The following GLT1D1 variants were observed in gnomAD, a reference collection of about 807,000 sequenced individuals.
GLT1D1 encodes the protein glycosyltransferase 1 domain-containing protein 1.
In GLT1D1, 21 loss-of-function variants were observed where a neutral mutation model predicts 28.7. That is an observed-to-expected ratio of 0.73 (90% CI 0.52 to 1.05). The LOEUF (loss-of-function observed/expected upper bound fraction) is 1.05, where lower values mean the gene tolerates loss of function less well. Among genes scored for constraint, GLT1D1 ranks in the 50% least tolerant of loss-of-function variants. The pLI, the probability that GLT1D1 is intolerant of heterozygous loss-of-function variation, is 0.00. For synonymous variants in GLT1D1, 147 were observed against 124.8 expected (o/e 1.18, Z -1.19); for missense variants, 343 against 330.6 (o/e 1.04, Z -0.29).
At chr12:128,874,124 C>CTTTCTTTCTTTCTTTCTTTCTT (rs1352539357) in intron 1 of GLT1D1, among the ~76,000 whole-genome samples, 1 of 39,232 alleles carries the variant, frequency 2.5e-5, no homozygotes, top group African/African-American at 1.1e-4. Context: ...CTCTCTCTCT[C>CTTTCTTTCTTTCTTTCTTTCTT]TCTTTCTTTC....
intron 3 of GLT1D1, among the ~76,000 whole-genome samples, chr12:128,890,834 A>G (rs907292073): frequency 6.6e-6 from 1 of 152,200 alleles, no homozygotes; most frequent in Non-Finnish European, 1.5e-5. Context: ...CTCCATCTCT[A>G]CTAAAAATAC....
intron 2 of GLT1D1, among the ~76,000 whole-genome samples, chr12:128,884,823 A>G (rs1249543635): frequency 6.6e-6 from 1 of 151,644 alleles, no homozygotes; most frequent in Non-Finnish European, 1.5e-5. Flanking sequence ...CAAAAAATAG[A>G]AAAAAAAATT....
At chr12:128,944,747 G>A in intron 4 of GLT1D1, 1 of 551,452 alleles carries the variant, frequency 1.8e-6, no homozygotes, top group African/African-American at 1.9e-5. Context: ...GACATCATTT[G>A]GGATGAGTTT....
At chr12:128,883,637 TG>T (rs1290688605) in intron 2 of GLT1D1, among the ~76,000 whole-genome samples, 7 of 150,508 alleles carry the variant, frequency 4.7e-5, no homozygotes, top group African/African-American at 1.7e-4. Context: ...TAGGAAGCTA[TG>T]ATTTTCTGTT....
chr12:128,979,150 A>G (rs557284079), intron 7 of GLT1D1, among the ~76,000 whole-genome samples: 19 of 152,298 alleles, frequency 1.2e-4, no homozygotes, highest in African/African-American at 4.3e-4. Context: ...GCCTCTGACA[A>G]TCTCAGTGGC....
chr12:128,950,444 C>T (rs1221698220), intron 6 of GLT1D1, among the ~76,000 whole-genome samples: 1 of 152,184 alleles, frequency 6.6e-6, no homozygotes. Context: ...ACTCCATCGC[C>T]ACATGACAAG....
intron 1 of GLT1D1, among the ~76,000 whole-genome samples, chr12:128,875,267 T>G (rs1566092665): frequency 6.6e-6 from 1 of 152,184 alleles, no homozygotes; most frequent in Non-Finnish European, 1.5e-5. Context: ...AGCTGCTGTC[T>G]GGTATGGCAA....
At chr12:128,879,381 T>TCCTTCCTTCCTTCCTTCCTTCCTTCCTTC (rs1566096266) in intron 2 of GLT1D1, among the ~76,000 whole-genome samples, 2 of 29,302 alleles carry the variant, frequency 6.8e-5, no homozygotes, top group Non-Finnish European at 6.1e-5. Context: ...TTTTTCTTTT[T>TCCTTCCTTCCTTCCTTCCTTCCTTCCTTC]CTTTCTTTCT....
intron 4 of GLT1D1, among the ~76,000 whole-genome samples, chr12:128,913,845 A>T (rs918752180): frequency 6.6e-6 from 1 of 152,212 alleles, no homozygotes; most frequent in African/African-American, 2.4e-5. Context: ...AAGTGCGTTT[A>T]ACCTCTTTGA....
At chr12:128,857,853 G>A (rs1183069579) in intron 1 of GLT1D1, among the ~76,000 whole-genome samples, 1 of 152,166 alleles carries the variant, frequency 6.6e-6, no homozygotes, top group African/African-American at 2.4e-5. Context: ...ATAAGTAAGG[G>A]TGCTAAATCC....
chr12:128,913,806 C>T (rs767609792), intron 4 of GLT1D1, among the ~76,000 whole-genome samples: 10 of 152,302 alleles, frequency 6.6e-5, no homozygotes, highest in Non-Finnish European at 1.0e-4. Flanking sequence ...TTGAACACAG[C>T]GTCTACCACC....
At chr12:128,922,040 C>T (rs1465727) in intron 4 of GLT1D1, among the ~76,000 whole-genome samples, 86,402 of 151,504 alleles carry the variant, frequency 0.57, 26,122 homozygotes, top group Non-Finnish European at 0.69. Context: ...TATGAATAGA[C>T]ATTCCATGCA....
intron 7 of GLT1D1, among the ~76,000 whole-genome samples, chr12:128,961,628 T>C (rs1227465778): frequency 6.6e-6 from 1 of 152,244 alleles, no homozygotes; most frequent in Non-Finnish European, 1.5e-5. Context: ...GATGTCTCTG[T>C]GCAGGAGAAG....
intron 1 of GLT1D1, among the ~76,000 whole-genome samples, chr12:128,868,799 A>C (rs1956611880): frequency 6.6e-6 from 1 of 152,190 alleles, no homozygotes; most frequent in Non-Finnish European, 1.5e-5. Context: ...AAAGAAACAG[A>C]TAAAATCAAC....
At chr12:128,962,318 A>G (rs1211514175) in intron 7 of GLT1D1, among the ~76,000 whole-genome samples, 1 of 152,234 alleles carries the variant, frequency 6.6e-6, no homozygotes, top group Non-Finnish European at 1.5e-5. Flanking sequence ...TCTAGACACA[A>G]TGTCCAGAGT....
chr12:128,873,848 T>TTCCC (rs202047117), intron 1 of GLT1D1, among the ~76,000 whole-genome samples: 38 of 137,340 alleles, frequency 2.8e-4, no homozygotes, highest in Admixed American at 1.3e-3. Context: ...CCTTCCCTCC[T>TTCCC]TCCCTCCCTC....
chr12:128,934,990 T>C (rs1208858465), intron 4 of GLT1D1, among the ~76,000 whole-genome samples: 1 of 151,956 alleles, frequency 6.6e-6, no homozygotes, highest in Non-Finnish European at 1.5e-5. Flanking sequence ...GAAGTCTCTG[T>C]CATTCTCTTC....
chr12:128,863,945 C>CAAA (rs35052910), intron 1 of GLT1D1, among the ~76,000 whole-genome samples: 50 of 56,078 alleles, frequency 8.9e-4, no homozygotes, highest in African/African-American at 2.4e-3. Flanking sequence ...GACTCCATCT[C>CAAA]AAAAAAAAAA....
At chr12:128,914,692 C>T (rs987804518) in intron 4 of GLT1D1, among the ~76,000 whole-genome samples, 2 of 151,900 alleles carry the variant, frequency 1.3e-5, no homozygotes, top group African/African-American at 2.4e-5. Context: ...TGGCAGCGGG[C>T]GCCTATACTC....
Sources: allele counts gnomAD v4.1 joint callset (sites outside exome capture counted in the v4.1 genomes callset), GRCh38; gene constraint gnomAD v4.1.1; transcripts MANE v1.5; gene names NCBI Gene and HGNC (gene_info 2026-07-23, HGNC 2026-07-21).